The following KDM2B variants were observed in gnomAD, a reference collection of about 807,000 sequenced individuals.
KDM2B encodes lysine-specific demethylase 2B.
KDM2B carries 26 observed loss-of-function variants against 150.0 expected under a neutral mutation model. That is an observed-to-expected ratio of 0.17 (90% CI 0.13 to 0.24). The LOEUF is 0.24. KDM2B is among the 10% of genes least tolerant of loss of function. KDM2B has a pLI of 1.00. For missense variants in KDM2B, 1,265 were observed against 1,816.9 expected (o/e 0.70, Z 5.52); for synonymous variants, 734 against 729.5 (o/e 1.01, Z -0.10).
intron 9 of KDM2B, among the ~76,000 whole-genome samples, chr12:121,514,270 C>A (rs1885843881): frequency 1.3e-5 from 2 of 152,128 alleles, no homozygotes; most frequent in South Asian, 2.1e-4. Flanking sequence ...CGCGCACCAC[C>A]ACGCCTGGCT....
chr12:121,439,481 G>A (rs1874603636), intron 22 of KDM2B, among the ~76,000 whole-genome samples: 1 of 148,644 alleles, frequency 6.7e-6, no homozygotes, highest in South Asian at 2.1e-4. Context: ...CCAGTTTCAA[G>A]CGATTCTCCT....
chr12:121,516,890 G>GA, intron 9 of KDM2B: 1 of 651,156 alleles, frequency 1.5e-6, no homozygotes, highest in Admixed American at 2.7e-5. Context: ...AAAAATCAAT[G>GA]GAAAAAAAAA....
intron 12 of KDM2B, among the ~76,000 whole-genome samples, chr12:121,486,396 G>A (rs1406147998): frequency 5.1e-5 from 6 of 116,818 alleles, no homozygotes; most frequent in African/African-American, 1.8e-4. Flanking sequence ...GGCCAGGCTG[G>A]TCTTGAACTC....
chr12:121,549,726 C>T lies in KDM2B; in HGVS notation c.398-88G>A, dbSNP rs1889335739. On this transcript the variant is annotated intron_variant, in intron 4 of 22. Transcript: ENST00000377071. The surrounding 1 kb of genome is among the most constrained non-coding windows in gnomAD (Gnocchi z 4.4). ...AGCCCCTCACTAAACAAAAGCTGCTCCTCCACGTTTCCCCACAGTCCTCAC... is the reference window on the plus strand; with the variant it reads ...AGCCCCTCACTAAACAAAAGCTGCTTCTCCACGTTTCCCCACAGTCCTCAC... The T allele has an allele frequency of 8.0e-7, 1 of 1,254,834 alleles. No homozygotes were observed. Among genetic ancestry groups the T allele is most frequent in the Non-Finnish European group, 1.1e-6 (1 of 907,540 alleles). The allele number at this position is 1,254,834 out of a possible 1,614,324, so 77.7% of individuals were successfully genotyped here.
chr12:121,459,667 C>T (rs140549770), intron 12 of KDM2B, among the ~76,000 whole-genome samples: 1,760 of 152,192 alleles, frequency 0.012, 15 homozygotes, highest in Non-Finnish European at 0.019. Context: ...CCCATCTCTA[C>T]TAAAAATACA....
intron 11 of KDM2B, among the ~76,000 whole-genome samples, chr12:121,509,356 C>T (rs1480356992): frequency 1.3e-5 from 2 of 151,954 alleles, no homozygotes; most frequent in Admixed American, 6.6e-5. Context: ...GCCACCCCAC[C>T]CACCCTCTGC....
chr12:121,432,966 G>T (rs1378606777), intron 22 of KDM2B, among the ~76,000 whole-genome samples: 2 of 152,214 alleles, frequency 1.3e-5, no homozygotes, highest in East Asian at 1.9e-4. Context: ...CACTGCTGTG[G>T]CCTGTAGCTG....
intron 4 of KDM2B, among the ~76,000 whole-genome samples, chr12:121,551,754 T>C (rs978920078): frequency 7.9e-5 from 12 of 151,996 alleles, no homozygotes; most frequent in Non-Finnish European, 1.5e-4. Context: ...AGTTTCGCCA[T>C]ATTGGCCAGG....
At position 121,429,833 on chromosome 12, in the gene KDM2B, A is replaced by G; in HGVS notation, c.*455T>C. ...TACAAAAATAGTTCTGCATAATGTA[A>G]GATGTAACAAAACCAACCAAACAAA... On this transcript the variant is annotated 3_prime_UTR_variant, in exon 23 of 23. Coordinates refer to ENST00000377071, the MANE Select transcript of KDM2B (RefSeq NM_032590.5). The G allele has an allele frequency of 1.8e-6, 1 of 568,868 alleles. No individual in the cohort carries two copies. The highest frequency in any genetic ancestry group is 3.1e-6 in the Non-Finnish European group (1 of 321,866). 35.2% of individuals were successfully genotyped at this position (568,868 alleles called of 1,614,324 possible).
At chr12:121,516,834 GGTGGAA>G (rs763583296) in intron 9 of KDM2B, 12 of 675,334 alleles carry the variant, frequency 1.8e-5, no homozygotes, top group Non-Finnish European at 3.2e-5. Context: ...TGTGAGAGTG[GGTGGAA>G]GTGTCCTACA....
At position 121,509,930 on chromosome 12, in the gene KDM2B, C is replaced by G; in HGVS notation, c.1284G>C (p.Glu428Asp). 1 of 1,612,960 alleles carries G rather than the reference C, an allele frequency of 6.2e-7. No homozygotes were observed. Among genetic ancestry groups the G allele is most frequent in the South Asian group, 1.1e-5 (1 of 91,042 alleles). Residue 428 changes from glutamate to aspartate, a missense_variant, in exon 11 of 23, where the codon GAG (glutamate) becomes GAC (aspartate). By Grantham distance (45) the Glu-to-Asp change is conservative. Transcript: ENST00000377071. ...TGGGTGCCCTGTCCCTGCCCTCGCC[C>G]TCCTCGTCCTTCTCCTCCTCCTCCT... is the stretch of plus-strand genomic sequence containing the variant. ...QPQEEEEKDEEGEGRDRAPKP... is the reference protein window; with the variant it reads ...QPQEEEEKDEDGEGRDRAPKP...
rs367682621 is a variant in KDM2B at position 121,574,522 on chromosome 12, G to A, written c.397+25C>T. 23 of 1,612,112 alleles carry A rather than the reference G, an allele frequency of 1.4e-5. No individual in the cohort carries two copies. The African/African-American group carries it at 1.7e-4, about 12-fold the overall frequency. On this transcript the variant is annotated intron_variant, in intron 4 of 22. Coordinates refer to ENST00000377071, the MANE Select transcript of KDM2B (RefSeq NM_032590.5). ...CCCTTCCCTACTTCAGCATGTCTGA[G>A]CCACACACACGGCAAGCGACTTACC...
the KDM2B span, chr12:121,417,410 A>G: frequency 9.1e-7 from 1 of 1,093,194 alleles, no homozygotes; most frequent in Non-Finnish European, 1.3e-6. This position sits in a 1 kb window ranked among gnomAD's most constrained non-coding sequence, Gnocchi z 5.0. Context: ...CTTCACTAAG[A>G]ACTAAAATTA....
intron 22 of KDM2B, among the ~76,000 whole-genome samples, chr12:121,438,000 T>A (rs1396841097): frequency 6.6e-6 from 1 of 152,058 alleles, no homozygotes; most frequent in African/African-American, 2.4e-5. Context: ...ACGCCTGTAA[T>A]CCCAGCACTT....
chr12:121,417,928 A>G, the KDM2B span: 1 of 1,608,530 alleles, frequency 6.2e-7, no homozygotes, highest in Non-Finnish European at 8.5e-7. The surrounding 1 kb of genome is among the most constrained non-coding windows in gnomAD (Gnocchi z 5.0). Flanking sequence ...GGGGGTAACT[A>G]ATTACACCCA....
chr12:121,580,460 G>T (rs1157968820), intron 1 of KDM2B: 13 of 1,171,374 alleles, frequency 1.1e-5, no homozygotes, highest in African/African-American at 1.6e-5. Flanking sequence ...TTGTTGTTGG[G>T]TCACGAGTGC....
rs577772830 is a variant in KDM2B, at chr12:121,506,885, G to A, written c.1647+2682C>T. ...CCAGAGGTGGAGGTTGTAGTGAGCC[G>A]AGATTGTGCCATTGCACTCCAGCCT... On this transcript the variant is annotated intron_variant, in intron 11 of 22. Transcript: ENST00000377071. Among the ~76,000 whole-genome samples the A allele has an allele frequency of 3.3e-5, 5 of 151,996 alleles. No individual in the cohort carries two copies. In the East Asian group the frequency reaches 9.7e-4, roughly 29 times the overall value.
Position 121,528,575 on chromosome 12 carries a change from TAATAAATAAATA to T in KDM2B, c.931+4219_931+4230del, listed in dbSNP as rs56986386. Among the ~76,000 whole-genome samples the T allele has an allele frequency of 1.3e-4, 20 of 148,936 alleles. No homozygotes were observed. In the South Asian group the frequency reaches 1.7e-3, roughly 13 times the overall value. On this transcript the variant is annotated intron_variant, in intron 8 of 22. Coordinates refer to ENST00000377071, the MANE Select transcript of KDM2B (RefSeq NM_032590.5). ...ACTCTGTCTCAAAAAAATGAAAAAA[TAATAAATAAATA>T]AATAAATAAATAAATAAGGTCTTCC...
intron 22 of KDM2B, 74 bp downstream of exon 22, chr12:121,439,783 C>A: frequency 8.9e-7 from 1 of 1,122,842 alleles, no homozygotes; most frequent in Non-Finnish European, 1.3e-6. Flanking sequence ...ACACACGAAT[C>A]GTTTTCCACA....
Sources: allele counts gnomAD v4.1 joint callset (sites outside exome capture counted in the v4.1 genomes callset), GRCh38; gene constraint gnomAD v4.1.1; non-coding constraint Gnocchi (gnomAD v3.1); transcripts MANE v1.5; gene names NCBI Gene and HGNC (gene_info 2026-07-23, HGNC 2026-07-21).